The following RGS6 variants were observed in gnomAD, a reference collection of about 807,000 sequenced individuals.
The protein encoded by RGS6 is regulator of G protein signaling 6, also known as regulator of G-protein signaling 6.
A neutral mutation model predicts 78.5 loss-of-function variants in RGS6; 30 were observed. That is an observed-to-expected ratio of 0.38 (90% confidence interval 0.29 to 0.52). RGS6 has a LOEUF of 0.52. Ranked by LOEUF, RGS6 falls within the 20% of genes least tolerant of loss-of-function variation. The pLI is 0.85. For missense variants in RGS6, 495 were observed against 609.7 expected (o/e 0.81, Z 1.98); for synonymous variants, 206 against 206.0 (o/e 1.00, Z 0.00).
intron 2 of RGS6, among the ~76,000 whole-genome samples, chr14:72,103,912 G>C (rs2153530829): frequency 6.6e-6 from 1 of 152,342 alleles, no homozygotes; most frequent in Admixed American, 6.5e-5. Context: ...TACCAAAGGA[G>C]TGACTTGGTC....
intron 2 of RGS6, among the ~76,000 whole-genome samples, chr14:71,975,049 G>A (rs2094034007): frequency 6.6e-6 from 1 of 152,224 alleles, no homozygotes; most frequent in South Asian, 2.1e-4. Context: ...AGCTACTCAG[G>A]AGGTGGAGGT....
the RGS6 span, among the ~76,000 whole-genome samples, chr14:72,582,573 G>A: frequency 4.2e-4 from 64 of 152,248 alleles, no homozygotes; most frequent in Admixed American, 8.5e-4. Context: ...ACTGAGACAT[G>A]TTTTCAAATG....
At chr14:72,117,666 G>A (rs1456978452) in intron 2 of RGS6, among the ~76,000 whole-genome samples, 1 of 152,156 alleles carries the variant, frequency 6.6e-6, no homozygotes, top group Non-Finnish European at 1.5e-5. Flanking sequence ...CAACATGGGG[G>A]ACCTTGTGCA....
intron 12 of RGS6, among the ~76,000 whole-genome samples, chr14:72,487,523 A>T (rs1236217109): frequency 6.6e-6 from 1 of 152,204 alleles, no homozygotes; most frequent in Non-Finnish European, 1.5e-5. Context: ...GATTGCCCAG[A>T]TGGGCCCAGC....
intron 2 of RGS6, among the ~76,000 whole-genome samples, chr14:72,203,795 TTTGCTATTGTAA>T (rs908210798): frequency 1.3e-5 from 2 of 151,334 alleles, no homozygotes; most frequent in Admixed American, 1.3e-4. Flanking sequence ...CACAACATTA[TTTGCTATTGTAA>T]CCTTTCTTTC....
chr14:72,268,144 G>T (rs1386686703), intron 2 of RGS6, among the ~76,000 whole-genome samples: 1 of 152,124 alleles, frequency 6.6e-6, no homozygotes, highest in Non-Finnish European at 1.5e-5. Flanking sequence ...GATTATTCTT[G>T]CATCCAGCAC....
chr14:72,197,524 C>A (rs554684274), intron 2 of RGS6, among the ~76,000 whole-genome samples: 1 of 152,232 alleles, frequency 6.6e-6, no homozygotes, highest in Non-Finnish European at 1.5e-5. Flanking sequence ...AGGCCTGGGG[C>A]TACAGTGGGT....
chr14:72,615,079 G>A, the RGS6 span, among the ~76,000 whole-genome samples: 1 of 152,166 alleles, frequency 6.6e-6, no homozygotes, highest in African/African-American at 2.4e-5. Flanking sequence ...TCTCCCTCGG[G>A]CTGAGACATG....
At chr14:72,263,424 T>C (rs2058508635) in intron 2 of RGS6, among the ~76,000 whole-genome samples, 1 of 152,154 alleles carries the variant, frequency 6.6e-6, no homozygotes, top group Non-Finnish European at 1.5e-5. Context: ...CACAGGCTGT[T>C]GACATGATGG....
chr14:72,009,982 G>A (rs2085345347), intron 2 of RGS6, among the ~76,000 whole-genome samples: 1 of 152,226 alleles, frequency 6.6e-6, no homozygotes, highest in Admixed American at 6.5e-5. Context: ...TGGCCTAGAA[G>A]AATCAATCGC....
chr14:72,121,962 C>T (rs940083672), intron 2 of RGS6, among the ~76,000 whole-genome samples: 4 of 152,142 alleles, frequency 2.6e-5, no homozygotes, highest in African/African-American at 9.7e-5. Context: ...GTGCTACTGG[C>T]ATCTGGTGGA....
At chr14:72,182,225 T>G (rs2097182312) in intron 2 of RGS6, among the ~76,000 whole-genome samples, 1 of 151,958 alleles carries the variant, frequency 6.6e-6, no homozygotes, top group South Asian at 2.1e-4. Context: ...CTGGCTAACA[T>G]GGTGAAACCC....
intron 2 of RGS6, among the ~76,000 whole-genome samples, chr14:72,267,074 T>C (rs538526651): frequency 7.9e-5 from 12 of 152,308 alleles, no homozygotes; most frequent in African/African-American, 2.4e-4. Context: ...CAATCTCAGC[T>C]CACTGCAACC....
intron 15 of RGS6, among the ~76,000 whole-genome samples, chr14:72,526,299 G>A (rs2097119292): frequency 6.6e-6 from 1 of 151,806 alleles, no homozygotes; most frequent in Non-Finnish European, 1.5e-5. Flanking sequence ...TAGAGTCGGG[G>A]TTTCACCATA....
intron 2 of RGS6, among the ~76,000 whole-genome samples, chr14:72,064,095 A>C (rs2094020468): frequency 6.6e-6 from 1 of 152,028 alleles, no homozygotes; most frequent in Non-Finnish European, 1.5e-5. Flanking sequence ...CAATCTGAAT[A>C]ATGTGGAAGT....
chr14:72,616,741 C>T, the RGS6 span, among the ~76,000 whole-genome samples: 1 of 152,236 alleles, frequency 6.6e-6, no homozygotes, highest in Non-Finnish European at 1.5e-5. Context: ...TGATCCTTCA[C>T]ATGCATCCTA....
chr14:72,132,712 A>G (rs893731294), intron 2 of RGS6, among the ~76,000 whole-genome samples: 1 of 151,234 alleles, frequency 6.6e-6, no homozygotes, highest in African/African-American at 2.4e-5. Context: ...GACTCTGGTT[A>G]TGGTTGTTTT....
intron 2 of RGS6, among the ~76,000 whole-genome samples, chr14:72,128,382 CAATAG>C: frequency 6.6e-6 from 1 of 152,242 alleles, no homozygotes; most frequent in Non-Finnish European, 1.5e-5. Flanking sequence ...CCAGTGTCCA[CAATAG>C]AATTTGTAAA....
chr14:72,095,304 ACATGACACAGATTGG>A (rs1307143475), intron 2 of RGS6, among the ~76,000 whole-genome samples: 1 of 152,130 alleles, frequency 6.6e-6, no homozygotes, highest in Non-Finnish European at 1.5e-5. Context: ...TCTTTTTCTC[ACATGACACAGATTGG>A]CAATACTGTC....
Sources: gnomAD v4.1 joint callset for allele counts (sites outside exome capture counted in the v4.1 genomes callset) on GRCh38, gnomAD v4.1.1 for gene constraint, MANE v1.5 for transcripts, NCBI Gene and HGNC (gene_info 2026-07-23, HGNC 2026-07-21) for gene names.